RABGEF1: variants seen among roughly 807,000 people sequenced by gnomAD.
RABGEF1 encodes RAB guanine nucleotide exchange factor 1, also known as rab5 GDP/GTP exchange factor.
RABGEF1 carries 26 observed loss-of-function variants against 57.3 expected under a neutral mutation model. The ratio of observed to expected loss-of-function variants is 0.45; its 90% CI spans 0.33 to 0.63. The LOEUF is 0.63. Among genes scored for constraint, RABGEF1 ranks in the 20% least tolerant of loss-of-function variants. The pLI, the probability that RABGEF1 is intolerant of heterozygous loss-of-function variation, is 0.02. For missense variants in RABGEF1, 464 were observed against 607.6 expected (o/e 0.76, Z 2.48); for synonymous variants, 185 against 210.7 (o/e 0.88, Z 1.06).
At chr7:66,745,219 TACTC>T (rs1799929344) in intron 1 of RABGEF1, among the ~76,000 whole-genome samples, 1 of 152,050 alleles carries the variant, frequency 6.6e-6, no homozygotes, top group African/African-American at 2.4e-5. Context: ...TATCAGTACT[TACTC>T]ATTGTGATGT....
At chr7:66,756,091 G>T in intron 1 of RABGEF1, 1 of 1,419,772 alleles carries the variant, frequency 7.0e-7, no homozygotes, top group East Asian at 2.6e-5. Context: ...AGTACTGAAA[G>T]ATATATAAGA....
At chr7:66,775,783 T>A (rs1181086468) in intron 3 of RABGEF1, among the ~76,000 whole-genome samples, 4 of 152,180 alleles carry the variant, frequency 2.6e-5, no homozygotes, top group African/African-American at 4.8e-5. Flanking sequence ...CTAGGCTTGA[T>A]AGTCATCTGA....
chr7:66,797,289 G>A (rs1252645454), intron 5 of RABGEF1, 85 bp from the exon 6 acceptor site: 126 of 1,363,068 alleles, frequency 9.2e-5, no homozygotes, highest in Non-Finnish European at 1.1e-4. Flanking sequence ...GGGCGACAGA[G>A]CCAGACTCTT....
the RABGEF1 span, among the ~76,000 whole-genome samples, chr7:66,660,419 A>G: frequency 6.6e-6 from 1 of 152,198 alleles, no homozygotes; most frequent in East Asian, 1.9e-4. Context: ...AAGTGATTAT[A>G]AGATAATACC....
the RABGEF1 span, among the ~76,000 whole-genome samples, chr7:66,674,328 T>C: frequency 6.6e-6 from 1 of 152,064 alleles, no homozygotes; most frequent in Non-Finnish European, 1.5e-5. Flanking sequence ...TAGATGGGAT[T>C]ACAGGCACCC....
Position 66,809,399 on chromosome 7 carries a change from A to G in RABGEF1, c.*115A>G. ...TTGCTTATAAATGTCAGCATTTTTT[A>G]AAGGTACAGTATATGGGGATTGTTT... On this transcript the variant is annotated 3_prime_UTR_variant, in exon 9 of 9. Transcript: ENST00000284957. 1 of 1,205,862 alleles carries G rather than the reference A, an allele frequency of 8.3e-7. No homozygotes were observed. The highest frequency in any genetic ancestry group is 1.1e-6 in the Non-Finnish European group (1 of 872,126). The allele number at this position is 1,205,862 out of a possible 1,614,324, so 74.7% of individuals were successfully genotyped here. A position where few individuals can be genotyped will look rare whatever the true frequency, so the allele number is the denominator to read the frequency against.
At chr7:66,716,726 G>A (rs1192979406) in intron 2 of RABGEF1, among the ~76,000 whole-genome samples, 1 of 152,126 alleles carries the variant, frequency 6.6e-6, no homozygotes, top group Non-Finnish European at 1.5e-5. Context: ...CATTGTTATT[G>A]TTGATGTACT....
intron 1 of RABGEF1, among the ~76,000 whole-genome samples, chr7:66,684,442 C>CA (rs1790282937): frequency 6.6e-6 from 1 of 152,006 alleles, no homozygotes; most frequent in Non-Finnish European, 1.5e-5. Context: ...GACTTCGTCT[C>CA]AAACAAAACA....
the RABGEF1 span, among the ~76,000 whole-genome samples, chr7:66,673,991 A>C: frequency 0.5 from 76,071 of 152,106 alleles, 20,015 homozygotes; most frequent in African/African-American, 0.66. Flanking sequence ...TTCAGATATT[A>C]TGGTTAGGCA....
chr7:66,723,186 C>G (rs1209514576), intron 2 of RABGEF1, among the ~76,000 whole-genome samples: 1 of 152,148 alleles, frequency 6.6e-6, no homozygotes, highest in Non-Finnish European at 1.5e-5. Context: ...CCAGTCTGGT[C>G]TCCAATTCTT....
chr7:66,763,996 A>G (rs1805088561), intron 1 of RABGEF1, among the ~76,000 whole-genome samples: 1 of 152,178 alleles, frequency 6.6e-6, no homozygotes, highest in African/African-American at 2.4e-5. Context: ...TTAGTCTAGG[A>G]GTGAAATTGC....
At chr7:66,769,574 A>T (rs965812134) in intron 1 of RABGEF1, among the ~76,000 whole-genome samples, 2 of 152,218 alleles carry the variant, frequency 1.3e-5, no homozygotes, top group African/African-American at 4.8e-5. Flanking sequence ...ATTTGAGTTC[A>T]TTCCTTGGCC....
chr7:66,795,802 A>G (rs1354169177), intron 5 of RABGEF1, among the ~76,000 whole-genome samples: 2 of 152,338 alleles, frequency 1.3e-5, no homozygotes, highest in Non-Finnish European at 2.9e-5. Context: ...TAATTTATTG[A>G]GTAACATTTA....
Position 66,808,888 on chromosome 7 carries a change from C to G in RABGEF1, c.1080C>G (p.Cys360Trp). 1.3e-6 allele frequency: 2 copies of G among 1,584,250 alleles called. No individual in the cohort carries two copies. The highest frequency in any genetic ancestry group is 1.7e-6 in the Non-Finnish European group (2 of 1,155,920). ...GEDGYYFTNL[C>W]CAVAFIEKLD... ...GTATTAACGTCCTCTTCTTGTAGTG[C>G]TGTGCTGTGGCTTTCATTGAGAAGC... Residue 360 changes from cysteine to tryptophan, a missense_variant and splice_region_variant, in exon 9 of 9, where the codon TGC becomes TGG. By Grantham distance (215) the Cys-to-Trp change is radical. Around this residue, in one of 4 missense-constraint regions of RABGEF1, gnomAD observed 284 missense variants for 389.9 expected, o/e 0.73. Coordinates refer to ENST00000284957, the MANE Select transcript of RABGEF1 (RefSeq NM_014504.3).
chr7:66,689,312 CT>C (rs1791173892), intron 1 of RABGEF1, among the ~76,000 whole-genome samples: 1 of 149,544 alleles, frequency 6.7e-6, no homozygotes, highest in Non-Finnish European at 1.5e-5. Flanking sequence ...GCTAGATTTA[CT>C]AAGAAAAAAA....
intron 1 of RABGEF1, among the ~76,000 whole-genome samples, chr7:66,707,801 A>G (rs918932947): frequency 6.6e-6 from 1 of 152,204 alleles, no homozygotes; most frequent in Non-Finnish European, 1.5e-5. Flanking sequence ...TTTTCGGTGC[A>G]TATAGGCTTA....
rs76851086 is a variant in RABGEF1, at chr7:66,772,595, G to A, written c.179+517G>A. On this transcript the variant is annotated intron_variant, in intron 2 of 8. Transcript: ENST00000284957. ...ATTAGGTTAGCATTTGGTATTATCC[G>A]GAAATATAATGATGTTAAAAATTAA... Among the ~76,000 whole-genome samples the A allele has an allele frequency of 2.9e-3, 444 of 152,056 alleles. 17 individuals carry two copies. In the East Asian group the frequency reaches 0.076, roughly 26 times the overall value.
the RABGEF1 span, among the ~76,000 whole-genome samples, chr7:66,661,479 C>G: frequency 6.6e-6 from 1 of 151,502 alleles, no homozygotes; most frequent in Admixed American, 6.6e-5. Flanking sequence ...ATCGGCAAAC[C>G]AGCTGGGCAT....
intron 1 of RABGEF1, among the ~76,000 whole-genome samples, chr7:66,742,520 A>C (rs560900824): frequency 9.8e-5 from 15 of 152,342 alleles, no homozygotes; most frequent in African/African-American, 3.1e-4. Flanking sequence ...TGTGTCTTGA[A>C]GAATGACTAA....
Sources: gnomAD v4.1 joint callset for allele counts (sites outside exome capture counted in the v4.1 genomes callset) on GRCh38, gnomAD v4.1.1 for gene constraint, gnomAD v4.1.1 regional missense constraint, MANE v1.5 for transcripts, NCBI Gene and HGNC (gene_info 2026-07-23, HGNC 2026-07-21) for gene names.